Variants in EPHA6 observed in about 807,000 individuals in gnomAD.
EPHA6 encodes EPH receptor A6.
A neutral mutation model predicts 112.0 loss-of-function variants in EPHA6; 50 were observed. The ratio of observed to expected loss-of-function variants is 0.45; its 90% CI spans 0.36 to 0.56. The LOEUF is 0.56. Ranked by LOEUF, EPHA6 falls within the 20% of genes least tolerant of loss-of-function variation. EPHA6 has a pLI of 0.00. For synonymous variants in EPHA6, 529 were observed against 490.7 expected, an observed-to-expected ratio of 1.08 and a Z score of -1.03; for missense variants, 1,280 against 1,417.4, an observed-to-expected ratio of 0.90 and a Z score of 1.56.
intron 11 of EPHA6, among the ~76,000 whole-genome samples, chr3:97,555,519 T>G (rs929965312): frequency 6.6e-6 from 1 of 152,196 alleles, no homozygotes; most frequent in African/African-American, 2.4e-5. Context: ...ACTTCCACAA[T>G]GGTTGAACTA....
chr3:97,194,654 G>C (rs2077394087), intron 3 of EPHA6, among the ~76,000 whole-genome samples: 1 of 150,744 alleles, frequency 6.6e-6, no homozygotes, highest in African/African-American at 2.5e-5. Flanking sequence ...GTCCAATGCT[G>C]AAAGTGGTGT....
At chr3:97,218,494 C>T (rs1225113427) in intron 3 of EPHA6, among the ~76,000 whole-genome samples, 4 of 152,066 alleles carry the variant, frequency 2.6e-5, no homozygotes, top group Non-Finnish European at 5.9e-5. Flanking sequence ...AGGAGAAGTA[C>T]CTAGCAAAGT....
intron 17 of EPHA6, among the ~76,000 whole-genome samples, chr3:97,748,321 C>T (rs1222583862): frequency 1.3e-5 from 2 of 151,972 alleles, no homozygotes; most frequent in Non-Finnish European, 2.9e-5. Context: ...TATATTATTA[C>T]ATCTGAGATT....
intron 6 of EPHA6, among the ~76,000 whole-genome samples, chr3:97,434,746 C>A (rs551459811): frequency 1.4e-4 from 22 of 152,206 alleles, no homozygotes; most frequent in African/African-American, 5.3e-4. Flanking sequence ...CAGGACAGAG[C>A]AGAGGCAGCT....
intron 3 of EPHA6, among the ~76,000 whole-genome samples, chr3:97,039,718 A>AT (rs2045248049): frequency 6.6e-6 from 1 of 152,066 alleles, no homozygotes; most frequent in Non-Finnish European, 1.5e-5. Flanking sequence ...TGTATTCGGC[A>AT]GTAAAGAGTT....
Position 97,753,145 on chromosome 3 carries a change from G to T in EPHA6, c.*4444G>T, listed in dbSNP as rs2035941112. Among the ~76,000 whole-genome samples, 1 of 151,692 alleles carries T rather than the reference G, an allele frequency of 6.6e-6. No individual in the cohort carries two copies. Among genetic ancestry groups the T allele is most frequent in the South Asian group, 2.1e-4 (1 of 4,824 alleles). Reference sequence around the variant, plus strand: ...ATCTTTATAATGTTCCACAAAGACAGTATAGATTTTATCTAGTTCAGCTTA... The same window carrying T: ...ATCTTTATAATGTTCCACAAAGACATTATAGATTTTATCTAGTTCAGCTTA... On this transcript the variant is annotated 3_prime_UTR_variant, in exon 18 of 18. Coordinates refer to ENST00000389672, the MANE Select transcript of EPHA6 (RefSeq NM_001080448.3).
At chr3:97,214,034 T>A (rs200668597) in intron 3 of EPHA6, among the ~76,000 whole-genome samples, 142 of 131,726 alleles carry the variant, frequency 1.1e-3, no homozygotes, top group Admixed American at 4.4e-3. Context: ...TGTGTGTGTG[T>A]GTGTGAGAGA....
intron 9 of EPHA6, among the ~76,000 whole-genome samples, chr3:97,479,951 C>T (rs2091481800): frequency 6.6e-6 from 1 of 152,152 alleles, no homozygotes; most frequent in Admixed American, 6.5e-5. Context: ...TCCACCTCCA[C>T]CTCCAAATTG....
rs116093450 is a variant in EPHA6 at position 97,115,799 on chromosome 3, C to A, written c.1115-110465C>A. 4.9e-3 allele frequency among the ~76,000 whole-genome samples: 744 copies of A among 151,848 alleles called. 6 individuals carry two copies. Among genetic ancestry groups the A allele is most frequent in the African/African-American group, 0.016 (660 of 41,474 alleles). ...TCCATATTGTTATAGAATGAGAAGG[C>A]TTTTAGGATGTCGGAGTTAAGAATA... On this transcript the variant is annotated intron_variant, in intron 3 of 17. Transcript: ENST00000389672.
chr3:97,088,748 T>C (rs1399075684), intron 3 of EPHA6, among the ~76,000 whole-genome samples: 1 of 152,148 alleles, frequency 6.6e-6, no homozygotes, highest in Non-Finnish European at 1.5e-5. Flanking sequence ...ACTTTGATCG[T>C]CAGCCTCTAT....
intron 14 of EPHA6, among the ~76,000 whole-genome samples, chr3:97,653,393 A>G (rs932511586): frequency 3.9e-5 from 6 of 152,144 alleles, no homozygotes; most frequent in Non-Finnish European, 8.8e-5. Context: ...GCCAACAGGT[A>G]TATGAAAAGG....
chr3:97,448,644 C>T lies in EPHA6; in HGVS notation c.1808C>T (p.Thr603Ile), dbSNP rs2107319271. Residue 603 changes from threonine to isoleucine, a missense_variant, in exon 7 of 18, where the codon ACC becomes ATC. Coordinates refer to ENST00000389672, the MANE Select transcript of EPHA6 (RefSeq NM_001080448.3). ...ATCATCACAGGTCTTAAGCCAGCCA[C>T]CAAATATGTATTTCACATCCGAGTG... Reference protein sequence around the residue: ...SVIITGLKPATKYVFHIRVRT... With the variant: ...SVIITGLKPAIKYVFHIRVRT... 5 of 1,613,534 alleles carry T rather than the reference C, an allele frequency of 3.1e-6. No individual in the cohort carries two copies. Among genetic ancestry groups the T allele is most frequent in the Non-Finnish European group, 4.2e-6 (5 of 1,179,590 alleles).
intron 6 of EPHA6, among the ~76,000 whole-genome samples, chr3:97,435,116 A>G (rs2089753617): frequency 6.6e-6 from 1 of 152,112 alleles, no homozygotes; most frequent in South Asian, 2.1e-4. Context: ...CAAATCAGTC[A>G]TATACTAGAT....
chr3:97,190,975 T>C (rs1044527091), intron 3 of EPHA6, among the ~76,000 whole-genome samples: 12 of 152,116 alleles, frequency 7.9e-5, no homozygotes, highest in African/African-American at 2.9e-4. Context: ...GTGTATCTCT[T>C]GAATGTATTT....
At chr3:97,580,432 T>C (rs2093426696) in intron 11 of EPHA6, among the ~76,000 whole-genome samples, 1 of 152,152 alleles carries the variant, frequency 6.6e-6, no homozygotes. Flanking sequence ...AAGAATACAT[T>C]AGGAGGGGCA....
At chr3:97,214,896 A>T (rs369898895) in intron 3 of EPHA6, among the ~76,000 whole-genome samples, 16 of 152,206 alleles carry the variant, frequency 1.1e-4, no homozygotes, top group African/African-American at 3.9e-4. Context: ...TAGTAACTTG[A>T]CAACAATATT....
At chr3:97,554,365 C>T (rs1310091262) in intron 11 of EPHA6, among the ~76,000 whole-genome samples, 1 of 152,010 alleles carries the variant, frequency 6.6e-6, no homozygotes, top group African/African-American at 2.4e-5. Flanking sequence ...TATATCTACA[C>T]TTATATATTG....
intron 14 of EPHA6, among the ~76,000 whole-genome samples, chr3:97,673,229 A>G (rs2107663137): frequency 6.6e-6 from 1 of 152,300 alleles, no homozygotes; most frequent in Admixed American, 6.5e-5. Context: ...CTGAGATATT[A>G]TTTTGATAAC....
chr3:97,501,290 A>G (rs937356725), intron 10 of EPHA6, among the ~76,000 whole-genome samples: 2 of 152,088 alleles, frequency 1.3e-5, no homozygotes, highest in African/African-American at 4.8e-5. Flanking sequence ...GTAAAGCTGG[A>G]AGATCTGAAT....
Sources: gnomAD v4.1 joint callset for allele counts (sites outside exome capture counted in the v4.1 genomes callset) on GRCh38, gnomAD v4.1.1 for gene constraint, MANE v1.5 for transcripts, NCBI Gene and HGNC (gene_info 2026-07-23, HGNC 2026-07-21) for gene names.